The following MMP25 variants were observed in gnomAD, a reference collection of about 807,000 sequenced individuals.
MMP25 encodes matrix metallopeptidase 25.
Under a neutral mutation model 62.1 loss-of-function variants are expected in MMP25, and 68 were observed. The ratio of observed to expected loss-of-function variants is 1.10; its 90% CI spans 0.90 to 1.34. MMP25 has a LOEUF of 1.34. Among genes scored for constraint, MMP25 ranks in the 40% most tolerant of loss-of-function variants. The probability of loss-of-function intolerance (pLI) is 0.00; values close to 1 mark genes in which losing one functional copy is unlikely to be tolerated. For synonymous variants in MMP25, 407 were observed against 345.6 expected (o/e 1.18, Z -1.97); for missense variants, 942 against 792.5 (o/e 1.19, Z -2.26).
rs78549933 is a variant in MMP25 at position 3,056,865 on chromosome 16, G to A, written c.662-168G>A. The A allele has an allele frequency of 2.9e-3, 1,789 of 611,194 alleles. 20 individuals are homozygous for A. The highest frequency in any genetic ancestry group is 0.024 in the East Asian group (803 of 32,966). The allele number at this position is 611,194 out of a possible 1,614,324, so 37.9% of individuals were successfully genotyped here. A position where few individuals can be genotyped will look rare whatever the true frequency, so the allele number is the denominator to read the frequency against. On this transcript the variant is annotated intron_variant, in intron 4 of 9. Transcript: ENST00000336577. ...CACAGCCATGCTGACTGAGTGACTG[G>A]AGACAGGGATGATGGAGAGTTCAGG...
chr16:3,047,595 T>A (rs3743936), intron 2 of MMP25, 48 bp downstream of exon 2: 950,400 of 1,592,900 alleles, frequency 0.6, 287,353 homozygotes, highest in African/African-American at 0.77. Context: ...ACCCAGCCTG[T>A]CCACCGCCCA....
rs200268022 is a variant in MMP25, at chr16:3,058,345, C to A, written c.1159+12C>A. ...CCTCCTCTTTAGCGGTGAGTGGGGC[C>A]GGCGGCGGGGCGCGCTGGGGCCGGC... On this transcript the variant is annotated intron_variant, in intron 8 of 9. Transcript: ENST00000336577. 1.5e-4 allele frequency: 225 copies of A among 1,532,422 alleles called. 1 individual carries two copies. In the East Asian group the frequency reaches 4.3e-3, roughly 30 times the overall value. 94.9% of individuals were successfully genotyped at this position (1,532,422 alleles called of 1,614,324 possible). A position where few individuals can be genotyped will look rare whatever the true frequency, so the allele number is the denominator to read the frequency against.
chr16:3,050,415 C>A lies in MMP25; in HGVS notation c.530C>A (p.Ala177Asp). 1 of 1,613,990 alleles carries A rather than the reference C, an allele frequency of 6.2e-7. No homozygotes were observed. Among genetic ancestry groups the A allele is most frequent in the Non-Finnish European group, 8.5e-7 (1 of 1,180,016 alleles). The change falls in exon 4 of 10, where the codon GCC becomes GAC. Residue 177 changes from alanine to aspartate, a missense_variant. Ala to Asp is a moderately radical substitution (Grantham distance 126). Coordinates refer to ENST00000336577, the MANE Select transcript of MMP25 (RefSeq NM_022468.5). ...GACATCCTCATCGACTTTGCCCGCG[C>A]CTTCCACCAGGACAGCTACCCCTTC... is the stretch of plus-strand genomic sequence containing the variant. ...EPDILIDFAR[A>D]FHQDSYPFDG... is the part of the protein sequence containing the mutation.
chr16:3,058,455 G>T lies in MMP25; in HGVS notation c.1203G>T (p.Gly401=). The change falls in exon 9 of 10, where the codon GGG becomes GGT. Residue 401 remains glycine, a synonymous_variant. Coordinates refer to ENST00000336577, the MANE Select transcript of MMP25 (RefSeq NM_022468.5). ...WVFQDRQLEG[G]ARPLTELGLP... ...TCCAGGACCGGCAGCTGGAGGGCGGGGCGCGGCCGCTCACGGAGCTGGGGC... is the reference window on the plus strand; with the variant it reads ...TCCAGGACCGGCAGCTGGAGGGCGGTGCGCGGCCGCTCACGGAGCTGGGGC... 1 of 1,594,890 alleles carries T rather than the reference G, an allele frequency of 6.3e-7. No individual in the cohort carries two copies. The highest frequency in any genetic ancestry group is 1.7e-4 in the Middle Eastern group (1 of 6,020).
intron 2 of MMP25, among the ~76,000 whole-genome samples, chr16:3,049,312 G>A (rs573925461): frequency 1.3e-5 from 2 of 152,296 alleles, no homozygotes; most frequent in East Asian, 1.9e-4. Context: ...AAGTGGGCAG[G>A]AAGAGGGAAT....
At chr16:3,052,524 G>A (rs1440892178) in intron 4 of MMP25, 1 of 152,298 alleles carries the variant, frequency 6.6e-6, no homozygotes, top group Admixed American at 6.5e-5. Context: ...CCAGGCAAGA[G>A]ATGGTGGAGT....
intron 6 of MMP25, 61 bp downstream of exon 6, chr16:3,057,455 G>A: frequency 6.3e-7 from 1 of 1,598,374 alleles, no homozygotes; most frequent in Non-Finnish European, 8.6e-7. Context: ...AGTGTCCTCT[G>A]AGATGGGGAT....
intron 4 of MMP25, chr16:3,051,165 A>AGGATGTGTGTGTGTGTGCACGTGTGTGTG (rs1169298293): frequency 8.5e-5 from 13 of 152,144 alleles, no homozygotes; most frequent in African/African-American, 3.1e-4. Flanking sequence ...CAAAACCAAC[A>AGGATGTGTGTGTGTGTGCACGTGTGTGTG]GGATGTGTGT....
intron 2 of MMP25, 39 bp from the exon 3 acceptor site, chr16:3,049,970 A>G (rs746669955): frequency 1.2e-6 from 2 of 1,603,582 alleles, no homozygotes; most frequent in Non-Finnish European, 1.7e-6. Context: ...AGGCTCTCCT[A>G]TTGTGGACAC....
rs773593803 is a variant in MMP25, at chr16:3,050,259, G to A, written c.374G>A (p.Arg125His). The A allele has an allele frequency of 2.3e-5, 37 of 1,594,618 alleles. No homozygotes were observed. Among genetic ancestry groups the A allele is most frequent in the Middle Eastern group, 3.4e-4 (2 of 5,966 alleles). ...CCTCACTCCCCTCTCCCCAGGGTAC[G>A]TTCCTTCCCCCAGAGCTCCCAGCTG... is the stretch of plus-strand genomic sequence containing the variant. Reference protein sequence around the residue: ...WKKRTLTWRVRSFPQSSQLSQ... With the variant: ...WKKRTLTWRVHSFPQSSQLSQ... Residue 125 changes from arginine (R) to histidine (H), a missense_variant, in exon 4 of 10, where the codon CGT (arginine) becomes CAT (histidine). Transcript: ENST00000336577.
chr16:3,047,213 T>C (rs1955833683), intron 1 of MMP25, among the ~76,000 whole-genome samples, 197 bp downstream of exon 1: 1 of 152,060 alleles, frequency 6.6e-6, no homozygotes, highest in Non-Finnish European at 1.5e-5. Flanking sequence ...GGAAAGGAGC[T>C]GAGGTGCGGA....
In MMP25 at chr16:3,057,606, C is replaced by T. The variant is rs761156772; in HGVS notation, c.999C>T (p.Phe333=). 1.2e-5 allele frequency: 19 copies of T among 1,614,040 alleles called. No individual in the cohort carries two copies. Among genetic ancestry groups the T allele is most frequent in the Non-Finnish European group, 1.5e-5 (18 of 1,179,982 alleles). Residue 333 remains phenylalanine (F), a synonymous_variant, in exon 7 of 10, where the codon TTC becomes TTT. Transcript: ENST00000336577. ...AIANIRGETF[F]FKGPWFWRLQ... ...CCAACATCCGAGGGGAAACTTTCTT[C>T]TTCAAAGGTGAGTCATTTCACTTGG...
At chr16:3,058,375 G>T in intron 8 of MMP25, 37 bp from the exon 9 acceptor site, 10 of 1,498,132 alleles carry the variant, frequency 6.7e-6, no homozygotes, top group Non-Finnish European at 8.9e-6. Context: ...GCCGGCGCGG[G>T]GAGCCCACCC....
At chr16:3,048,751 A>T (rs1955856602) in intron 2 of MMP25, among the ~76,000 whole-genome samples, 2 of 152,130 alleles carry the variant, frequency 1.3e-5, no homozygotes, top group South Asian at 4.1e-4. Context: ...GGTGATTAGC[A>T]ACCACCTAAG....
rs773718466 is a variant in MMP25, at chr16:3,057,093, T to C, written c.722T>C (p.Leu241Pro). ...CATGAGTTTGGCCACGCCCTGGGCCTGGGCCACTCCTCAGCCCCCAACTCC... is the reference window on the plus strand; with the variant it reads ...CATGAGTTTGGCCACGCCCTGGGCCCGGGCCACTCCTCAGCCCCCAACTCC... ...AVHEFGHALG[L>P]GHSSAPNSIM... Residue 241 changes from leucine (L) to proline (P), a missense_variant, in exon 5 of 10, where the codon CTG (leucine) becomes CCG (proline). By Grantham distance (98) the Leu-to-Pro change is moderately conservative. Transcript: ENST00000336577. 6.2e-7 allele frequency: 1 copy of C among 1,612,398 alleles called. No individual in the cohort carries two copies. The highest frequency in any genetic ancestry group is 1.1e-5 in the South Asian group (1 of 90,882).
At chr16:3,053,017 GC>G (rs1955929480) in intron 4 of MMP25, 1 of 153,416 alleles carries the variant, frequency 6.5e-6, no homozygotes, top group Non-Finnish European at 1.5e-5. Context: ...AGGCGGTCCC[GC>G]CTGAGGCCAG....
Position 3,050,343 on chromosome 16 carries a change from C to G in MMP25, c.458C>G (p.Ser153Ter). 1 of 1,614,048 alleles carries G rather than the reference C, an allele frequency of 6.2e-7. No individual in the cohort carries two copies. The highest frequency in any genetic ancestry group is 8.5e-7 in the Non-Finnish European group (1 of 1,180,012). Residue 153 changes from serine to a stop codon, truncating the protein, a stop_gained, in exon 4 of 10, where the codon TCA becomes TGA. Coordinates refer to ENST00000336577, the MANE Select transcript of MMP25 (RefSeq NM_022468.5). LOFTEE classifies it high-confidence loss of function. ...SYALMAWGME[S>*]GLTFHEVDSP... ...GCCCTGATGGCCTGGGGCATGGAGT[C>G]AGGCCTCACATTTCATGAGGTGGAT...
At chr16:3,058,391 C>T in intron 8 of MMP25, 21 bp from the exon 9 acceptor site, 1 of 1,512,934 alleles carries the variant, frequency 6.6e-7, no homozygotes, top group Non-Finnish European at 8.8e-7. Context: ...CACCCCTGAC[C>T]TCCCGGCCTC....
rs763948751 is a variant in MMP25, at chr16:3,047,039, C to T, written c.99+23C>T. The stretch of plus-strand genomic sequence containing the variant: ...GTGGTGAGCGCGGGGTCCGCAGGCT[C>T]CTGGGGTCTGCAGAGAGATTGGGAG... On this transcript the variant is annotated intron_variant, in intron 1 of 9. Coordinates refer to ENST00000336577, the MANE Select transcript of MMP25 (RefSeq NM_022468.5). 1,394 of 1,423,644 alleles carry T rather than the reference C, an allele frequency of 9.8e-4. 1 individual carries two copies. Among genetic ancestry groups the T allele is most frequent in the Non-Finnish European group, 1.2e-3 (1,297 of 1,097,138 alleles). 88.2% of individuals were successfully genotyped at this position (1,423,644 alleles called of 1,614,324 possible). A position where few individuals can be genotyped will look rare whatever the true frequency, so the allele number is the denominator to read the frequency against.
Sources: gnomAD v4.1 joint callset for allele counts (sites outside exome capture counted in the v4.1 genomes callset) on GRCh38, gnomAD v4.1.1 for gene constraint, MANE v1.5 for transcripts, NCBI Gene and HGNC (gene_info 2026-07-23, HGNC 2026-07-21) for gene names.